SMARCC1: variants seen among roughly 807,000 people sequenced by gnomAD.
SMARCC1 encodes SWI/SNF related BAF chromatin remodeling complex subunit C1.
In SMARCC1, 43 loss-of-function variants were observed where a neutral mutation model predicts 147.4. The ratio of observed to expected loss-of-function variants is 0.29; its 90% CI spans 0.23 to 0.38. The LOEUF is 0.38. Among genes scored for constraint, SMARCC1 ranks in the 10% least tolerant of loss-of-function variants. The pLI is 1.00. For synonymous variants in SMARCC1, 495 were observed against 484.4 expected, an observed-to-expected ratio of 1.02 and a Z score of -0.29; for missense variants, 1,119 against 1,381.1, an observed-to-expected ratio of 0.81 and a Z score of 3.01.
chr3:47,628,598 G>C (rs1332967917), intron 24 of SMARCC1, among the ~76,000 whole-genome samples: 1 of 152,124 alleles, frequency 6.6e-6, no homozygotes, highest in Non-Finnish European at 1.5e-5. Flanking sequence ...TCTTGAGACA[G>C]AGTTTCACTC....
chr3:47,713,147 C>A (rs2034110307), intron 8 of SMARCC1, among the ~76,000 whole-genome samples: 1 of 151,714 alleles, frequency 6.6e-6, no homozygotes, highest in African/African-American at 2.4e-5. Context: ...ACAGTGAAAC[C>A]CCATCTCTAC....
chr3:47,706,222 C>A (rs2033992463), intron 10 of SMARCC1, among the ~76,000 whole-genome samples, 187 bp downstream of exon 10: 1 of 152,106 alleles, frequency 6.6e-6, no homozygotes, highest in Admixed American at 6.5e-5. Context: ...CAGGCGTGCA[C>A]CACCGTGCCC....
At chr3:47,760,422 G>A (rs371379786) in intron 2 of SMARCC1, among the ~76,000 whole-genome samples, 2 of 152,326 alleles carry the variant, frequency 1.3e-5, no homozygotes, top group African/African-American at 4.8e-5. Context: ...CAGCACTTTG[G>A]GAGGCCAAGG....
chr3:47,663,100 G>C (rs2106737960), intron 19 of SMARCC1, among the ~76,000 whole-genome samples: 1 of 121,802 alleles, frequency 8.2e-6, no homozygotes, highest in Non-Finnish European at 1.8e-5. Flanking sequence ...AAAGAAAAGA[G>C]GGAGGGAGGG....
In SMARCC1 at chr3:47,709,116, C is replaced by T. The variant is rs377399013; in HGVS notation, c.918+1567G>A. Among the ~76,000 whole-genome samples the T allele has an allele frequency of 3.3e-5, 5 of 152,050 alleles. No homozygotes were observed. The South Asian group carries it at 1.0e-3, about 32-fold the overall frequency. ...TCTCTACTGAAAATAAAAAAATTAGCCAGGTGTGGTGGCACGTGCCTGTAA... is the reference window on the plus strand; with the variant it reads ...TCTCTACTGAAAATAAAAAAATTAGTCAGGTGTGGTGGCACGTGCCTGTAA... On this transcript the variant is annotated intron_variant, in intron 9 of 27. Coordinates refer to ENST00000254480, the MANE Select transcript of SMARCC1 (RefSeq NM_003074.4).
chr3:47,714,225 G>A (rs542354805), intron 8 of SMARCC1, among the ~76,000 whole-genome samples, 190 bp downstream of exon 8: 10 of 152,274 alleles, frequency 6.6e-5, no homozygotes, highest in Admixed American at 2.6e-4. Context: ...TTAGCCTAAC[G>A]TGGTGGCGTG....
At chr3:47,667,319 A>G (rs1487810121) in intron 19 of SMARCC1, among the ~76,000 whole-genome samples, 2 of 29,966 alleles carry the variant, frequency 6.7e-5, no homozygotes, top group Non-Finnish European at 2.3e-4. Flanking sequence ...CTCCGTCTCA[A>G]AAAAAAAAAA....
intron 25 of SMARCC1, among the ~76,000 whole-genome samples, chr3:47,621,298 CA>C (rs1183934374): frequency 7.7e-3 from 487 of 63,218 alleles, no homozygotes; most frequent in African/African-American, 0.017. Context: ...GACTCCGTCT[CA>C]AAAAAAAAAA....
intron 8 of SMARCC1, among the ~76,000 whole-genome samples, chr3:47,713,379 G>C (rs17278560): frequency 0.015 from 2,272 of 151,898 alleles, 33 homozygotes; most frequent in South Asian, 0.07. Flanking sequence ...TCTGGAAGAA[G>C]GGTACCAAGT....
chr3:47,691,019 A>G (rs558389960), intron 12 of SMARCC1, among the ~76,000 whole-genome samples: 1 of 152,350 alleles, frequency 6.6e-6, no homozygotes, highest in Non-Finnish European at 1.5e-5. Context: ...AGTTTGACTT[A>G]ATAATCTCTC....
At chr3:47,781,533 C>T in intron 1 of SMARCC1, 70 bp downstream of exon 1, 1 of 1,196,120 alleles carries the variant, frequency 8.4e-7, no homozygotes, top group African/African-American at 1.6e-5. Flanking sequence ...GGCCCGAGGC[C>T]CGCGAGGCCA....
intron 24 of SMARCC1, among the ~76,000 whole-genome samples, chr3:47,630,891 C>T (rs1040407550): frequency 5.3e-5 from 8 of 152,014 alleles, no homozygotes; most frequent in African/African-American, 9.7e-5. Context: ...AGGGAGACCC[C>T]GTCTCTACAA....
intron 5 of SMARCC1, among the ~76,000 whole-genome samples, chr3:47,729,683 G>C (rs942416629): frequency 6.6e-6 from 1 of 152,208 alleles, no homozygotes; most frequent in Non-Finnish European, 1.5e-5. Context: ...ACTGTGTTCA[G>C]TCAGGTACTA....
At chr3:47,639,235 G>A (rs1013306017) in intron 21 of SMARCC1, among the ~76,000 whole-genome samples, 4 of 152,096 alleles carry the variant, frequency 2.6e-5, no homozygotes, top group African/African-American at 7.2e-5. Context: ...CTCAGGTACT[G>A]GGGAAACACT....
intron 2 of SMARCC1, among the ~76,000 whole-genome samples, chr3:47,772,223 A>G (rs1190668924): frequency 6.6e-6 from 1 of 152,128 alleles, no homozygotes; most frequent in African/African-American, 2.4e-5. Context: ...AGATCCCATC[A>G]CTACAGAAAT....
intron 10 of SMARCC1, among the ~76,000 whole-genome samples, chr3:47,704,599 GCAA>G (rs2033967016): frequency 6.6e-6 from 1 of 152,224 alleles, no homozygotes; most frequent in South Asian, 2.1e-4. Flanking sequence ...TCTCTGAACA[GCAA>G]CAACAATATT....
chr3:47,715,026 A>G (rs2034138124), intron 7 of SMARCC1, among the ~76,000 whole-genome samples: 1 of 152,104 alleles, frequency 6.6e-6, no homozygotes, highest in Non-Finnish European at 1.5e-5. Flanking sequence ...AGAAAGTACT[A>G]TCACCTGATA....
chr3:47,727,837 C>T (rs567684962), intron 6 of SMARCC1, among the ~76,000 whole-genome samples: 87 of 152,110 alleles, frequency 5.7e-4, no homozygotes, highest in African/African-American at 2.0e-3. Context: ...GTGATCCACC[C>T]GCCTTGGCCT....
At chr3:47,636,207 C>A in intron 22 of SMARCC1, 71 bp from the exon 23 acceptor site, 1 of 758,108 alleles carries the variant, frequency 1.3e-6, no homozygotes, top group Non-Finnish European at 2.2e-6. Flanking sequence ...GAGTAATTAT[C>A]TTAGACTAGC....
Sources: allele counts gnomAD v4.1 joint callset (sites outside exome capture counted in the v4.1 genomes callset), GRCh38; gene constraint gnomAD v4.1.1; transcripts MANE v1.5; gene names NCBI Gene and HGNC (gene_info 2026-07-23, HGNC 2026-07-21).